Variants in TENM2 observed in about 807,000 individuals in gnomAD.
The protein encoded by TENM2 is teneurin transmembrane protein 2, also known as teneurin-2.
In TENM2, 52 loss-of-function variants were observed where a neutral mutation model predicts 245.2. That is an observed-to-expected ratio of 0.21 (90% CI 0.17 to 0.27). The LOEUF (loss-of-function observed/expected upper bound fraction) is 0.27. Ranked by LOEUF, TENM2 falls within the 10% of genes least tolerant of loss-of-function variation. TENM2 has a pLI of 1.00. For synonymous variants in TENM2, 1,363 were observed against 1,438.9 expected (o/e 0.95, Z 1.19); for missense variants, 3,046 against 3,666.8 (o/e 0.83, Z 4.37).
At chr5:167,875,213 G>C (rs148707427) in intron 2 of TENM2, among the ~76,000 whole-genome samples, 174 of 152,270 alleles carry the variant, frequency 1.1e-3, no homozygotes, top group Non-Finnish European at 2.0e-3. Context: ...AACATGGAAG[G>C]GTTGATTGAA....
intron 2 of TENM2, among the ~76,000 whole-genome samples, chr5:167,695,063 C>G (rs942246560): frequency 1.3e-5 from 2 of 152,162 alleles, no homozygotes; most frequent in African/African-American, 2.4e-5. Flanking sequence ...AAGCTTTATT[C>G]CTCCTTTGTG....
At chr5:167,535,194 G>A (rs1771770915) in intron 2 of TENM2, among the ~76,000 whole-genome samples, 1 of 151,830 alleles carries the variant, frequency 6.6e-6, no homozygotes, top group African/African-American at 2.4e-5. Context: ...GGGTTGGGGG[G>A]TATCTGCTTA....
At chr5:167,084,947 G>A in the TENM2 span, among the ~76,000 whole-genome samples, 5 of 151,932 alleles carry the variant, frequency 3.3e-5, no homozygotes, top group African/African-American at 4.8e-5. Context: ...TTAACATTAG[G>A]GCCCTAGTAC....
rs189956376 is a variant in TENM2 at position 167,904,697 on chromosome 5, A to G, written c.712+28502A>G. Among the ~76,000 whole-genome samples the G allele has an allele frequency of 2.0e-3, 300 of 152,274 alleles. 1 individual carries two copies. The Middle Eastern group carries it at 0.02, about 10-fold the overall frequency. On this transcript the variant is annotated intron_variant, in intron 3 of 28. Coordinates refer to ENST00000518659, the Ensembl canonical transcript of TENM2. ...CCCTGTGTCTGTCTTGTATTCAGAAAACTCAGAACTTAAAGAAAGCCCAAT... is the reference window on the plus strand; with the variant it reads ...CCCTGTGTCTGTCTTGTATTCAGAAGACTCAGAACTTAAAGAAAGCCCAAT...
At position 168,133,329 on chromosome 5, in the gene TENM2, A is replaced by G. The variant is rs575920132; in HGVS notation, c.2422+6363A>G. On this transcript the variant is annotated intron_variant, in intron 12 of 28. Coordinates refer to ENST00000518659, the Ensembl canonical transcript of TENM2. ...TAGGCCTGAGTAAATTTAAAGAAAA[A>G]TATTAAGTAAATAGTACAGATATTG... Among the ~76,000 whole-genome samples, 7 of 152,314 alleles carry G rather than the reference A, an allele frequency of 4.6e-5. No homozygotes were observed. In the South Asian group the frequency reaches 1.5e-3, roughly 32 times the overall value.
At chr5:167,353,338 G>A (rs1581818386) in intron 1 of TENM2, among the ~76,000 whole-genome samples, 1 of 144,204 alleles carries the variant, frequency 6.9e-6, no homozygotes, top group Non-Finnish European at 1.5e-5. Context: ...GGTGGTGGGG[G>A]TGCAGAAAGT....
At chr5:167,584,482 C>G (rs1316285978) in intron 2 of TENM2, among the ~76,000 whole-genome samples, 6 of 152,074 alleles carry the variant, frequency 3.9e-5, no homozygotes, top group Non-Finnish European at 4.4e-5. Flanking sequence ...GGGGAGGTAA[C>G]CAGTCAGAAG....
intron 2 of TENM2, among the ~76,000 whole-genome samples, chr5:167,643,632 C>CT (rs1779747608): frequency 6.6e-6 from 1 of 152,200 alleles, no homozygotes; most frequent in Admixed American, 6.5e-5. Flanking sequence ...CACAGGAACA[C>CT]TTGCCTGATT....
At chr5:168,176,512 A>C (rs1053538103) in intron 13 of TENM2, among the ~76,000 whole-genome samples, 4 of 152,112 alleles carry the variant, frequency 2.6e-5, no homozygotes, top group African/African-American at 4.8e-5. Context: ...CACGAACATC[A>C]CTTCTTTAGA....
At chr5:167,976,648 A>G (rs1344193088) in intron 4 of TENM2, among the ~76,000 whole-genome samples, 1 of 152,224 alleles carries the variant, frequency 6.6e-6, no homozygotes, top group Non-Finnish European at 1.5e-5. Context: ...CTTCTAAAAT[A>G]AAATAGAATT....
chr5:167,994,232 C>G (rs10475863), intron 5 of TENM2, among the ~76,000 whole-genome samples: 7,762 of 152,322 alleles, frequency 0.051, 338 homozygotes, highest in African/African-American at 0.11. Context: ...CATAAAGCAC[C>G]AGCTCAATGA....
At chr5:168,053,854 T>C (rs1581172242) in intron 6 of TENM2, among the ~76,000 whole-genome samples, 1 of 152,112 alleles carries the variant, frequency 6.6e-6, no homozygotes, top group African/African-American at 2.4e-5. Flanking sequence ...CAGACGTGGG[T>C]TTTGATCATA....
chr5:167,894,992 G>GGAAGGAA (rs1561906941), intron 3 of TENM2, among the ~76,000 whole-genome samples: 10 of 56,864 alleles, frequency 1.8e-4, no homozygotes, highest in South Asian at 1.5e-3. Flanking sequence ...GAAGGAAGGA[G>GGAAGGAA]GGAAGGAAGG....
intron 2 of TENM2, among the ~76,000 whole-genome samples, chr5:167,486,688 T>C (rs1439321330): frequency 8.5e-5 from 13 of 152,176 alleles, no homozygotes; most frequent in Non-Finnish European, 2.9e-5. Flanking sequence ...GCCTAAAGAA[T>C]ACATCACTAG....
At chr5:167,519,617 G>T (rs1334964191) in intron 2 of TENM2, among the ~76,000 whole-genome samples, 2 of 152,062 alleles carry the variant, frequency 1.3e-5, no homozygotes, top group Non-Finnish European at 2.9e-5. Flanking sequence ...AAAATTAAGG[G>T]GCTCAGAGAT....
intron 2 of TENM2, among the ~76,000 whole-genome samples, chr5:167,750,826 A>C (rs558032108): frequency 1.1e-4 from 16 of 152,296 alleles, no homozygotes; most frequent in Admixed American, 8.5e-4. Flanking sequence ...ATGGCTGTTT[A>C]GAAGGTTTCT....
chr5:168,044,730 T>C (rs1244845576), intron 5 of TENM2, among the ~76,000 whole-genome samples: 15 of 151,902 alleles, frequency 9.9e-5, no homozygotes, highest in Non-Finnish European at 1.0e-4. Flanking sequence ...AAGGGAGAGA[T>C]TGATTGAGAG....
At chr5:168,049,781 C>T (rs1338573411) in intron 6 of TENM2, among the ~76,000 whole-genome samples, 1 of 152,140 alleles carries the variant, frequency 6.6e-6, no homozygotes, top group Non-Finnish European at 1.5e-5. Flanking sequence ...AGTTATGTGA[C>T]AGACAAAATG....
At chr5:167,603,660 A>G (rs1776811100) in intron 2 of TENM2, among the ~76,000 whole-genome samples, 1 of 152,154 alleles carries the variant, frequency 6.6e-6, no homozygotes, top group Admixed American at 6.5e-5. Flanking sequence ...CAGCCTGGCT[A>G]ACAGAGTCAG....
Sources: gnomAD v4.1 joint callset for allele counts (sites outside exome capture counted in the v4.1 genomes callset) on GRCh38, gnomAD v4.1.1 for gene constraint, MANE v1.5 for transcripts, NCBI Gene and HGNC (gene_info 2026-07-23, HGNC 2026-07-21) for gene names.